BLTP1: variants seen among roughly 807,000 people sequenced by gnomAD.
The protein encoded by BLTP1 is bridge-like lipid transfer protein family member 1.
the BLTP1 span, chr4:122,204,484 T>C: frequency 1.1e-6 from 1 of 950,798 alleles, no homozygotes; most frequent in African/African-American, 1.8e-5. Flanking sequence ...ATAGAAACAT[T>C]GCATGACTTG....
At chr4:122,240,771 A>G in the BLTP1 span, among the ~76,000 whole-genome samples, 146 of 152,304 alleles carry the variant, frequency 9.6e-4, no homozygotes, top group African/African-American at 3.4e-3. Context: ...ATAATTCAGT[A>G]TGAATATGGT....
the BLTP1 span, among the ~76,000 whole-genome samples, chr4:122,183,732 A>G: frequency 6.6e-6 from 1 of 152,116 alleles, no homozygotes. Flanking sequence ...GAGAAGATCA[A>G]TTTTTTCCAA....
chr4:122,155,277 G>T, the BLTP1 span, among the ~76,000 whole-genome samples: 2 of 151,846 alleles, frequency 1.3e-5, no homozygotes, highest in South Asian at 4.2e-4. Flanking sequence ...AGTTGGTAAA[G>T]CAGGATTCTC....
chr4:122,334,165 ACCTTT>A, the BLTP1 span: 2 of 210,938 alleles, frequency 9.5e-6, no homozygotes, highest in Non-Finnish European at 1.6e-5. Context: ...ATCTGAAATG[ACCTTT>A]TTATTTTAAA....
chr4:122,270,888 T>C, the BLTP1 span: 1 of 1,263,142 alleles, frequency 7.9e-7, no homozygotes, highest in East Asian at 2.6e-5. Flanking sequence ...ATTTTACTGG[T>C]TTGCTTGCTT....
At chr4:122,247,025 A>G in the BLTP1 span, 1 of 1,317,064 alleles carries the variant, frequency 7.6e-7, no homozygotes, top group Non-Finnish European at 1.0e-6. Context: ...TAAACATTGA[A>G]TAATTTTTTA....
At chr4:122,319,993 G>C in the BLTP1 span, among the ~76,000 whole-genome samples, 1 of 152,138 alleles carries the variant, frequency 6.6e-6, no homozygotes, top group Admixed American at 6.6e-5. Flanking sequence ...CCAATTGACT[G>C]ATGATATGTT....
chr4:122,255,106 A>T, the BLTP1 span: 2 of 1,587,972 alleles, frequency 1.3e-6, no homozygotes, highest in Non-Finnish European at 1.7e-6. Context: ...ATCACTCTAA[A>T]TCTATTGTTG....
chr4:122,207,398 C>G, the BLTP1 span: 1 of 1,416,862 alleles, frequency 7.1e-7, no homozygotes, highest in South Asian at 1.5e-5. Flanking sequence ...GTGAGACTCT[C>G]AGAAGACTGT....
At chr4:122,243,843 A>C in the BLTP1 span, 1 of 1,480,838 alleles carries the variant, frequency 6.8e-7, no homozygotes, top group Non-Finnish European at 9.0e-7. Flanking sequence ...TTTGCTTGTT[A>C]AATTGTATAG....
At chr4:122,355,862 G>A in the BLTP1 span, 1 of 1,612,756 alleles carries the variant, frequency 6.2e-7, no homozygotes, top group Non-Finnish European at 8.5e-7. Flanking sequence ...AAGAATTCTA[G>A]TTTGTTGAGT....
At chr4:122,298,857 A>G in the BLTP1 span, 11 of 985,218 alleles carry the variant, frequency 1.1e-5, no homozygotes, top group Non-Finnish European at 1.3e-5. Context: ...ACTGGGACTG[A>G]AAGACACATT....
the BLTP1 span, among the ~76,000 whole-genome samples, chr4:122,166,543 G>A: frequency 1.3e-5 from 2 of 152,124 alleles, no homozygotes; most frequent in Non-Finnish European, 2.9e-5. Flanking sequence ...GTTAGGATTG[G>A]CTTGGCAATG....
chr4:122,290,903 A>G, the BLTP1 span: 1 of 218,896 alleles, frequency 4.6e-6, no homozygotes, highest in Non-Finnish European at 7.5e-6. Context: ...TATATAATAT[A>G]TAATTAAAAA....
the BLTP1 span, chr4:122,152,609 G>C: frequency 1.0e-6 from 1 of 985,556 alleles, no homozygotes; most frequent in Non-Finnish European, 1.2e-6. Context: ...CGGGCCAGAC[G>C]GGGTTGAGGT....
At chr4:122,159,356 G>A in the BLTP1 span, among the ~76,000 whole-genome samples, 255 of 151,960 alleles carry the variant, frequency 1.7e-3, 4 homozygotes, top group African/African-American at 5.8e-3. Flanking sequence ...CCAGCTACTC[G>A]GGAGGCTGAG....
chr4:122,199,972 G>GATT, the BLTP1 span: 4 of 970,098 alleles, frequency 4.1e-6, no homozygotes, highest in East Asian at 2.3e-4. Flanking sequence ...TAATCAAGCA[G>GATT]ATTATTATTA....
chr4:122,229,062 A>C, the BLTP1 span: 1 of 1,378,400 alleles, frequency 7.3e-7, no homozygotes. Flanking sequence ...AGATGACTTA[A>C]GTATCAAAAT....
At chr4:122,362,243 A>T in the BLTP1 span, 2 of 1,611,240 alleles carry the variant, frequency 1.2e-6, no homozygotes, top group Non-Finnish European at 1.7e-6. Flanking sequence ...AAAGAAGAAC[A>T]CTAAAAAAGT....
Sources: gnomAD v4.1 joint callset for allele counts (sites outside exome capture counted in the v4.1 genomes callset) on GRCh38, gnomAD v4.1.1 for gene constraint, MANE v1.5 for transcripts, NCBI Gene and HGNC (gene_info 2026-07-23, HGNC 2026-07-21) for gene names.